CDK13: variants seen among roughly 807,000 people sequenced by gnomAD.
CDK13 encodes cyclin dependent kinase 13.
A neutral mutation model predicts 137.6 loss-of-function variants in CDK13; 40 were observed. The ratio of observed to expected loss-of-function variants is 0.29; its 90% confidence interval spans 0.23 to 0.38. The LOEUF (loss-of-function observed/expected upper bound fraction) is 0.38, where lower values mean the gene tolerates loss of function less well. Ranked by LOEUF, CDK13 falls within the 10% of genes least tolerant of loss-of-function variation. The pLI is 1.00. For missense variants in CDK13, 1,704 were observed against 1,951.8 expected (o/e 0.87, Z 2.39); for synonymous variants, 869 against 760.1 (o/e 1.14, Z -2.36).
At chr7:39,999,307 A>C (rs1784634113) in intron 3 of CDK13, 54 bp from the exon 4 acceptor site, 1 of 1,437,420 alleles carries the variant, frequency 7.0e-7, no homozygotes, top group Non-Finnish European at 9.5e-7. Flanking sequence ...GTTATTAGAC[A>C]GTTTATTCAA....
intron 2 of CDK13, among the ~76,000 whole-genome samples, chr7:39,996,971 A>AG (rs1784574685): frequency 4.8e-5 from 7 of 146,760 alleles, no homozygotes; most frequent in Admixed American, 2.7e-4. Flanking sequence ...CAAAAAAAAA[A>AG]AAAAAGAAAA....
intron 1 of CDK13, among the ~76,000 whole-genome samples, chr7:39,968,526 C>T (rs12530835): frequency 0.088 from 13,469 of 152,270 alleles, 1,029 homozygotes; most frequent in East Asian, 0.36. Flanking sequence ...ACATGCACCA[C>T]TGTGCCTCAC....
chr7:39,952,183 T>G (rs908482522), intron 1 of CDK13: 1 of 238,634 alleles, frequency 4.2e-6, no homozygotes, highest in Non-Finnish European at 8.0e-6. Context: ...ACAATTTGGG[T>G]AAACCTAGAG....
Position 39,950,763 on chromosome 7 carries a change from T to TGCCGCTCCTGCAGCC in CDK13, c.125_139dup (p.Pro42_Pro46dup), listed in dbSNP as rs1787128144. 6.8e-7 allele frequency: 1 copy of TGCCGCTCCTGCAGCC among 1,475,736 alleles called. No homozygotes were observed. The highest frequency in any genetic ancestry group is 8.9e-7 in the Non-Finnish European group (1 of 1,121,078). The allele number at this position is 1,475,736 out of a possible 1,614,324, so 91.4% of individuals were successfully genotyped here. ...TCCCCTCAGCAGCCGCCGCTGCTGT[T>TGCCGCTCCTGCAGCC]GCCGCTCCTGCAGCCGCAGCTCCTG... On this transcript the variant is annotated inframe_insertion, in exon 1 of 14. Transcript: ENST00000181839.
rs532109455 is a variant in CDK13, at chr7:40,063,007, G to A, written c.2703-16G>A. 1.2e-6 allele frequency: 2 copies of A among 1,611,822 alleles called. No homozygotes were observed. The highest frequency in any genetic ancestry group is 1.7e-5 in the Admixed American group (1 of 59,980). ...AAAATAGATCATTTGGTAATGACGG[G>A]TATTTTTTCCATTAGCTGTATCCTT... On this transcript the variant is annotated splice_polypyrimidine_tract_variant and intron_variant, in intron 8 of 13. Coordinates refer to ENST00000181839, the MANE Select transcript of CDK13 (RefSeq NM_003718.5).
In CDK13 at chr7:39,950,827, T is replaced by C. The variant is rs1427152466; in HGVS notation, c.186T>C (p.Ala62=). 3 of 1,415,506 alleles carry C rather than the reference T, an allele frequency of 2.1e-6. No individual in the cohort carries two copies. The highest frequency in any genetic ancestry group is 2.5e-4 in the Middle Eastern group (1 of 3,982). 87.7% of individuals were successfully genotyped at this position (1,415,506 alleles called of 1,614,324 possible). The part of the protein sequence containing the change: ...PPPPPPLLFL[A]APGTAAAAAA... ...CCCCGCCGCCTCTGCTCTTCCTGGC[T>C]GCTCCCGGCACGGCCGCCGCCGCAG... is the stretch of plus-strand genomic sequence containing the variant. Residue 62 remains alanine, a synonymous_variant, in exon 1 of 14, where the codon GCT becomes GCC. Coordinates refer to ENST00000181839, the MANE Select transcript of CDK13 (RefSeq NM_003718.5).
chr7:40,094,893 T>C lies in CDK13; in HGVS notation c.4452T>C (p.Pro1484=). ...TGCATGGACAGACCTGGACTTCTCC[T>C]GCCCAAGGACCTGGATATTCACAAG... ...SLMHGQTWTS[P]AQGPGYSQGY... The change falls in exon 14 of 14, where the codon CCT becomes CCC. Residue 1484 remains proline (P), a synonymous_variant. Coordinates refer to ENST00000181839, the MANE Select transcript of CDK13 (RefSeq NM_003718.5). 6.6e-7 allele frequency: 1 copy of C among 1,512,428 alleles called. No individual in the cohort carries two copies. The highest frequency in any genetic ancestry group is 1.4e-5 in the South Asian group (1 of 73,202). The allele number at this position is 1,512,428 out of a possible 1,614,324, so 93.7% of individuals were successfully genotyped here. A position where few individuals can be genotyped will look rare whatever the true frequency, so the allele number is the denominator to read the frequency against.
intron 9 of CDK13, among the ~76,000 whole-genome samples, chr7:40,073,306 G>T (rs1419423055): frequency 6.6e-6 from 1 of 152,082 alleles, no homozygotes; most frequent in Non-Finnish European, 1.5e-5. Flanking sequence ...TGCTAAAACT[G>T]GTAGGAACCC....
chr7:39,958,686 T>TA lies in CDK13; in HGVS notation c.1211+6835dup, dbSNP rs748846022. Among the ~76,000 whole-genome samples the TA allele has an allele frequency of 7.9e-4, 121 of 152,236 alleles. 1 individual carries two copies. Among genetic ancestry groups the TA allele is most frequent in the Middle Eastern group, 3.4e-3 (1 of 294 alleles). On this transcript the variant is annotated intron_variant, in intron 1 of 13. Transcript: ENST00000181839. ...GGCTGAATCCACTTTGATAAATTCT[T>TA]AGTTTTGTTTTTTTTTTAATTTTTG...
At chr7:39,967,381 C>G (rs1045817062) in intron 1 of CDK13, among the ~76,000 whole-genome samples, 2 of 151,798 alleles carry the variant, frequency 1.3e-5, no homozygotes, top group African/African-American at 4.8e-5. Flanking sequence ...AAGCTGAGAT[C>G]GCGCCACGCC....
chr7:40,068,351 G>C lies in CDK13; in HGVS notation c.2780+5251G>C, dbSNP rs375009675. Among the ~76,000 whole-genome samples the C allele has an allele frequency of 7.7e-4, 117 of 151,734 alleles. 1 individual carries two copies. The highest frequency in any genetic ancestry group is 3.4e-3 in the Middle Eastern group (1 of 294). On this transcript the variant is annotated intron_variant, in intron 9 of 13. Transcript: ENST00000181839. ...GGAATATGTTCTCAGTGAACCATAT[G>C]GGGGGAAAGCTTGGTTTATCCATTT...
chr7:39,988,342 C>T (rs919848892), intron 2 of CDK13, 84 bp downstream of exon 2: 6 of 983,552 alleles, frequency 6.1e-6, no homozygotes, highest in Non-Finnish European at 9.0e-6. Flanking sequence ...TCCCCTAACC[C>T]CCTCGAAACA....
chr7:40,094,818 C>T lies in CDK13; in HGVS notation c.4377C>T (p.Asn1459=). 1 of 1,582,182 alleles carries T rather than the reference C, an allele frequency of 6.3e-7. No individual in the cohort carries two copies. The highest frequency in any genetic ancestry group is 8.6e-7 in the Non-Finnish European group (1 of 1,164,866). Residue 1459 remains asparagine (N), a synonymous_variant, in exon 14 of 14, where the codon AAC becomes AAT. Coordinates refer to ENST00000181839, the MANE Select transcript of CDK13 (RefSeq NM_003718.5). ...STHPLPAKMH[N]YNYGGNLQEN... is the part of the protein sequence containing the mutation. ...ATCCTTTGCCAGCAAAGATGCACAA[C>T]TATAACTATGGTGGTAACTTACAGG...
At chr7:39,962,588 T>A (rs1783772991) in intron 1 of CDK13, among the ~76,000 whole-genome samples, 1 of 152,226 alleles carries the variant, frequency 6.6e-6, no homozygotes, top group Non-Finnish European at 1.5e-5. Context: ...AGGTTGCCTG[T>A]TCACTCTGAT....
intron 1 of CDK13, among the ~76,000 whole-genome samples, chr7:39,957,861 A>G (rs1366788861): frequency 6.6e-6 from 1 of 152,230 alleles, no homozygotes; most frequent in South Asian, 2.1e-4. Context: ...AATGTTGCTT[A>G]ATATTCACAT....
At chr7:40,087,452 A>C (rs1033349874) in intron 11 of CDK13, among the ~76,000 whole-genome samples, 3 of 151,650 alleles carry the variant, frequency 2.0e-5, no homozygotes, top group African/African-American at 7.3e-5. Flanking sequence ...TGGAAATGGC[A>C]TATTTTTCTG....
At chr7:40,090,230 A>G (rs1584093725) in intron 12 of CDK13, among the ~76,000 whole-genome samples, 2 of 152,348 alleles carry the variant, frequency 1.3e-5, no homozygotes, top group East Asian at 3.9e-4. Flanking sequence ...TACCAAACGT[A>G]GTAGTTTACT....
At chr7:39,998,169 C>CTGTT (rs1784602573) in intron 3 of CDK13, 1 of 150,872 alleles carries the variant, frequency 6.6e-6, no homozygotes, top group Admixed American at 6.6e-5. Flanking sequence ...CCCTTAAAAC[C>CTGTT]TGTTAATCAG....
At chr7:39,961,066 C>G (rs989374806) in intron 1 of CDK13, among the ~76,000 whole-genome samples, 2 of 151,826 alleles carry the variant, frequency 1.3e-5, no homozygotes, top group Non-Finnish European at 2.9e-5. Context: ...AACATTTTAA[C>G]TCTACTCTTT....
Sources: allele counts gnomAD v4.1 joint callset (sites outside exome capture counted in the v4.1 genomes callset), GRCh38; gene constraint gnomAD v4.1.1; transcripts MANE v1.5; gene names NCBI Gene and HGNC (gene_info 2026-07-23, HGNC 2026-07-21).